The following TAF1 variants were observed in gnomAD, a reference collection of about 807,000 sequenced individuals.
TAF1 encodes transcription initiation factor TFIID subunit 1.
In TAF1, 2 loss-of-function variants were observed where a neutral mutation model predicts 138.5. The ratio of observed to expected loss-of-function variants is 0.01; its 90% confidence interval spans 0.01 to 0.05. The LOEUF is 0.05. Among genes scored for constraint, TAF1 ranks in the 10% least tolerant of loss-of-function variants. The pLI is 1.00. For synonymous variants in TAF1, 437 were observed against 503.2 expected, an observed-to-expected ratio of 0.87 and a Z score of 1.76; for missense variants, 709 against 1,478.0, an observed-to-expected ratio of 0.48 and a Z score of 8.53.
intron 4 of TAF1, among the ~76,000 whole-genome samples, chrX:71,376,015 T>G (rs965877439): frequency 8.9e-6 from 1 of 112,447 alleles, no homozygotes; most frequent in African/African-American, 3.2e-5. Flanking sequence ...CTACCAGATA[T>G]TCAGAGATTT....
At chrX:71,378,101 A>G in intron 6 of TAF1, 134 bp from the exon 7 acceptor site, 1 of 670,458 alleles carries the variant, frequency 1.5e-6, no homozygotes, top group Admixed American at 3.4e-5. Context: ...ATACATCTCC[A>G]TTGTTTACAT....
chrX:71,461,124 T>G (rs2038534010), intron 37 of TAF1, among the ~76,000 whole-genome samples: 1 of 111,056 alleles, frequency 9.0e-6, no homozygotes, highest in African/African-American at 3.3e-5. Context: ...AGGGAAAGTT[T>G]CACAGACAAG....
At chrX:71,424,922 G>A (rs2036526756) in intron 32 of TAF1, among the ~76,000 whole-genome samples, 1 of 112,422 alleles carries the variant, frequency 8.9e-6, no homozygotes, top group South Asian at 3.7e-4. Context: ...ACTGCTCCCA[G>A]CCAGTCTTTT....
chrX:71,428,472 G>A (rs1022159993), intron 32 of TAF1, among the ~76,000 whole-genome samples: 7 of 111,764 alleles, frequency 6.3e-5, no homozygotes, highest in African/African-American at 2.3e-4. Flanking sequence ...ATGTGACTTT[G>A]AGCAAATAAC....
intron 25 of TAF1, among the ~76,000 whole-genome samples, chrX:71,405,729 G>A (rs894887744): frequency 8.9e-6 from 1 of 112,061 alleles, no homozygotes; most frequent in South Asian, 3.7e-4. Flanking sequence ...AAGATGGGCC[G>A]GACGTGGTGG....
intron 13 of TAF1, among the ~76,000 whole-genome samples, chrX:71,515,654 C>G (rs2039810772): frequency 9.0e-6 from 1 of 111,250 alleles, no homozygotes; most frequent in Admixed American, 9.6e-5. Context: ...CCGACAGACC[C>G]TCTCCCCCAT....
chrX:71,399,349 T>C (rs1426191531), intron 24 of TAF1, among the ~76,000 whole-genome samples: 5 of 99,437 alleles, frequency 5.0e-5, no homozygotes, highest in Non-Finnish European at 8.0e-5. Flanking sequence ...CTCCGCCTCC[T>C]GGGTTCAAGC....
intron 34 of TAF1, among the ~76,000 whole-genome samples, chrX:71,456,654 T>C (rs981355667): frequency 1.2e-4 from 2 of 16,936 alleles, no homozygotes; most frequent in Non-Finnish European, 2.1e-4. Context: ...ATTTTCTTTT[T>C]TTTTTTTTTT....
chrX:71,419,941 C>G (rs759243499), intron 28 of TAF1: 3 of 222,069 alleles, frequency 1.4e-5, no homozygotes, highest in African/African-American at 8.7e-5. Context: ...TTCTCCCCCC[C>G]TTCCACAGTA....
chrX:71,525,360 G>C (rs1025160332), intron 13 of TAF1, among the ~76,000 whole-genome samples: 1 of 112,280 alleles, frequency 8.9e-6, no homozygotes, highest in East Asian at 2.8e-4. Flanking sequence ...GTGTTTAAAT[G>C]AGGGTAGAGA....
In TAF1 at chrX:71,388,227, T is replaced by C. The variant is rs200950354; in HGVS notation, c.2428-10T>C. ...TTTGCCAAATAAAATACACTTGGTT[T>C]GTTGGGCAGGTTTTTATTTACCGCC... On this transcript the variant is annotated splice_polypyrimidine_tract_variant and intron_variant, in intron 15 of 37. Transcript: ENST00000423759. 226 of 1,208,388 alleles carry C rather than the reference T, an allele frequency of 1.9e-4. No homozygotes were observed. The African/African-American group carries it at 3.5e-3, about 19-fold the overall frequency.
chrX:71,526,944 T>TGGTGGGA (rs1184214358), intron 13 of TAF1, among the ~76,000 whole-genome samples: 1 of 105,446 alleles, frequency 9.5e-6, no homozygotes, highest in Non-Finnish European at 1.9e-5. Flanking sequence ...TGGTGGCTCG[T>TGGTGGGA]GGTGGGAGGA....
At chrX:71,468,880 C>T (rs376614278), downstream of TAF1, among the ~76,000 whole-genome samples, 47 of 108,229 alleles carry the variant, frequency 4.3e-4, no homozygotes, top group South Asian at 0.019. Context: ...GTCCCAGCTA[C>T]TTGGGAGGCT....
At chrX:71,382,964 T>C in intron 11 of TAF1, 27 bp from the exon 12 acceptor site, 2 of 1,199,013 alleles carry the variant, frequency 1.7e-6, no homozygotes, top group East Asian at 3.0e-5. Flanking sequence ...AATTAGCTAA[T>C]TTTAACCCTT....
chrX:71,397,216 G>C (rs771078237), intron 22 of TAF1, 37 bp from the exon 23 acceptor site: 9 of 1,179,997 alleles, frequency 7.6e-6, no homozygotes, highest in Non-Finnish European at 1.0e-5. Flanking sequence ...TGGGAGATAA[G>C]GGGAACGTTT....
chrX:71,480,585 C>T (rs1280924794), intron 13 of TAF1, among the ~76,000 whole-genome samples: 3 of 111,815 alleles, frequency 2.7e-5, no homozygotes, highest in Non-Finnish European at 5.6e-5. Flanking sequence ...GTGAATACTA[C>T]GTACCAAGAT....
At chrX:71,441,685 C>CTT in intron 32 of TAF1, 8 of 276,497 alleles carry the variant, frequency 2.9e-5, no homozygotes, top group East Asian at 1.3e-4. Flanking sequence ...AATTTTGTAT[C>CTT]TTTTTTTTTT....
intron 28 of TAF1, among the ~76,000 whole-genome samples, chrX:71,411,818 C>T (rs768555738): frequency 7.7e-4 from 87 of 112,653 alleles, no homozygotes; most frequent in Admixed American, 2.1e-3. Flanking sequence ...AATGCGATAG[C>T]GTGATCTCAG....
chrX:71,504,769 A>G (rs1318347400), intron 13 of TAF1, among the ~76,000 whole-genome samples: 11 of 102,749 alleles, frequency 1.1e-4, no homozygotes, highest in African/African-American at 1.4e-4. Context: ...AAAAAAAAAA[A>G]AAAAGAAAAG....
Sources: gnomAD v4.1 joint callset for allele counts (sites outside exome capture counted in the v4.1 genomes callset) on GRCh38, gnomAD v4.1.1 for gene constraint, MANE v1.5 for transcripts, NCBI Gene and HGNC (gene_info 2026-07-23, HGNC 2026-07-21) for gene names.